Variants in HPSE2 observed in about 807,000 individuals in gnomAD.
HPSE2 encodes inactive heparanase-2.
In HPSE2, 38 loss-of-function variants were observed where a neutral mutation model predicts 60.5. That is an observed-to-expected ratio of 0.63 (90% CI 0.48 to 0.82). The LOEUF (loss-of-function observed/expected upper bound fraction) is 0.82, where lower values mean the gene tolerates loss of function less well. HPSE2 is among the 40% of genes least tolerant of loss of function. The probability of loss-of-function intolerance (pLI) is 0.00; values close to 1 mark genes in which losing one functional copy is unlikely to be tolerated. For synonymous variants in HPSE2, 295 were observed against 293.2 expected (o/e 1.01, Z -0.06); for missense variants, 713 against 740.4 (o/e 0.96, Z 0.43).
chr10:98,516,718 G>A (rs1293940153), intron 9 of HPSE2, among the ~76,000 whole-genome samples: 7 of 152,124 alleles, frequency 4.6e-5, no homozygotes, highest in South Asian at 2.1e-4. Flanking sequence ...TTGCCCCCAT[G>A]CTGCCCTGTA....
chr10:99,224,025 C>T (rs768751386), intron 2 of HPSE2, among the ~76,000 whole-genome samples: 19 of 152,154 alleles, frequency 1.2e-4, no homozygotes, highest in Non-Finnish European at 2.8e-4. Flanking sequence ...CTGGAGACTA[C>T]TACAAAATTT....
intron 3 of HPSE2, among the ~76,000 whole-genome samples, chr10:98,980,926 T>C (rs1383296803): frequency 6.6e-6 from 1 of 152,144 alleles, no homozygotes; most frequent in African/African-American, 2.4e-5. Context: ...ATATTTGCCA[T>C]GGTTTGGTTA....
intron 7 of HPSE2, among the ~76,000 whole-genome samples, chr10:98,621,547 A>G (rs1946074061): frequency 1.3e-5 from 2 of 152,258 alleles, no homozygotes; most frequent in South Asian, 4.1e-4. Context: ...GGAATGAGGG[A>G]CTGGGGGACT....
chr10:99,018,323 G>A (rs754776959), intron 3 of HPSE2, among the ~76,000 whole-genome samples: 28 of 152,100 alleles, frequency 1.8e-4, no homozygotes, highest in African/African-American at 6.5e-4. Flanking sequence ...TTTACGGCTG[G>A]GTTTTCAAGG....
intron 5 of HPSE2, among the ~76,000 whole-genome samples, chr10:98,719,231 A>G (rs975732219): frequency 1.3e-5 from 2 of 152,148 alleles, no homozygotes; most frequent in African/African-American, 2.4e-5. Flanking sequence ...TTTATAACAC[A>G]CTTACTATGT....
chr10:99,248,922 T>C, the HPSE2 span, among the ~76,000 whole-genome samples: 1 of 152,226 alleles, frequency 6.6e-6, no homozygotes, highest in Non-Finnish European at 1.5e-5. Flanking sequence ...AGTTTTCATG[T>C]GGTGTTAAGC....
chr10:98,702,325 C>A (rs1948432443), intron 5 of HPSE2, among the ~76,000 whole-genome samples: 1 of 152,066 alleles, frequency 6.6e-6, no homozygotes, highest in South Asian at 2.1e-4. Flanking sequence ...TTCTTAGAGA[C>A]CTATAAAGAG....
chr10:99,258,463 A>G, the HPSE2 span, among the ~76,000 whole-genome samples: 2 of 152,116 alleles, frequency 1.3e-5, no homozygotes, highest in Non-Finnish European at 2.9e-5. Flanking sequence ...TTCTCCCAAA[A>G]TAGTTCTGTA....
chr10:98,774,426 GCT>G (rs35593814), intron 3 of HPSE2, among the ~76,000 whole-genome samples: 5,750 of 152,194 alleles, frequency 0.038, 236 homozygotes, highest in East Asian at 0.17. Context: ...GATTGTGTCA[GCT>G]CTCTCTTTCT....
At position 98,952,313 on chromosome 10, in the gene HPSE2, T is replaced by TG. The variant is rs1564685814; in HGVS notation, c.610+191924_610+191925insC. Among the ~76,000 whole-genome samples, 551 of 96,796 alleles carry TG rather than the reference T, an allele frequency of 5.7e-3. 1 individual carries two copies. Among genetic ancestry groups the TG allele is most frequent in the African/African-American group, 0.014 (418 of 29,344 alleles). 63.5% of individuals were successfully genotyped at this position (96,796 alleles called of 152,430 possible). A position where few individuals can be genotyped will look rare whatever the true frequency, so the allele number is the denominator to read the frequency against. On this transcript the variant is annotated intron_variant, in intron 3 of 11. Transcript: ENST00000370552. ...AGGATTCCCCGCTCAAAAGAATTTG[T>TG]TTGTGTGTGTGTGTGTGTGTGTGTG... is the stretch of plus-strand genomic sequence containing the variant.
chr10:99,305,991 A>G, the HPSE2 span, among the ~76,000 whole-genome samples: 8 of 148,394 alleles, frequency 5.4e-5, no homozygotes, highest in African/African-American at 7.5e-5. Flanking sequence ...ACACACACAC[A>G]CACACACACA....
At chr10:98,848,797 A>G (rs918585014) in intron 3 of HPSE2, among the ~76,000 whole-genome samples, 3 of 152,162 alleles carry the variant, frequency 2.0e-5, no homozygotes, top group Non-Finnish European at 2.9e-5. Context: ...AAAGTACCAC[A>G]TGCAGGGAAG....
intron 3 of HPSE2, among the ~76,000 whole-genome samples, chr10:99,003,525 T>C (rs1204816801): frequency 6.6e-6 from 1 of 152,176 alleles, no homozygotes; most frequent in East Asian, 1.9e-4. Context: ...TTTTTGATAA[T>C]AGCAATTCTA....
chr10:98,721,920 T>A (rs1450159636), intron 4 of HPSE2, 92 bp from the exon 5 acceptor site: 36 of 1,044,650 alleles, frequency 3.4e-5, no homozygotes, highest in Non-Finnish European at 4.3e-5. Flanking sequence ...TTTTTCTTAA[T>A]AATATGAAAA....
the HPSE2 span, among the ~76,000 whole-genome samples, chr10:99,258,078 T>C: frequency 5.5e-4 from 83 of 151,916 alleles, no homozygotes; most frequent in South Asian, 0.017. Flanking sequence ...AAGGCGGAGG[T>C]TGCAGTGAGC....
chr10:99,193,617 C>A (rs959124621), intron 2 of HPSE2, among the ~76,000 whole-genome samples: 1 of 151,566 alleles, frequency 6.6e-6, no homozygotes, highest in Non-Finnish European at 1.5e-5. Flanking sequence ...TGGAAACCAA[C>A]GAAGAGCAAG....
intron 5 of HPSE2, among the ~76,000 whole-genome samples, chr10:98,709,796 C>G (rs543611000): frequency 2.6e-5 from 4 of 152,152 alleles, no homozygotes; most frequent in Non-Finnish European, 4.4e-5. Context: ...TCACAGCTCT[C>G]TATTATAATA....
intron 2 of HPSE2, among the ~76,000 whole-genome samples, chr10:99,186,653 A>G (rs1305930568): frequency 6.6e-6 from 1 of 152,046 alleles, no homozygotes; most frequent in Non-Finnish European, 1.5e-5. Flanking sequence ...AAAAAATGTT[A>G]ACTCAAATTC....
intron 3 of HPSE2, among the ~76,000 whole-genome samples, chr10:98,899,200 C>T (rs1284962365): frequency 6.6e-6 from 1 of 152,190 alleles, no homozygotes; most frequent in Non-Finnish European, 1.5e-5. Flanking sequence ...AACAAGAATA[C>T]ATGGCTGTGA....
Sources: allele counts gnomAD v4.1 joint callset (sites outside exome capture counted in the v4.1 genomes callset), GRCh38; gene constraint gnomAD v4.1.1; transcripts MANE v1.5; gene names NCBI Gene and HGNC (gene_info 2026-07-23, HGNC 2026-07-21).